CACNA2D3: variants seen among roughly 807,000 people sequenced by gnomAD.
CACNA2D3 encodes the protein voltage-dependent calcium channel subunit alpha-2/delta-3.
In CACNA2D3, 60 loss-of-function variants were observed where a neutral mutation model predicts 160.6. The ratio of observed to expected loss-of-function variants is 0.37; its 90% CI spans 0.30 to 0.46. The LOEUF is 0.46. CACNA2D3 is among the 20% of genes least tolerant of loss of function. The pLI is 1.00. For missense variants in CACNA2D3, 1,205 were observed against 1,365.0 expected (o/e 0.88, Z 1.85); for synonymous variants, 558 against 492.9 (o/e 1.13, Z -1.75).
chr3:54,666,166 T>A (rs1200149872), intron 11 of CACNA2D3, among the ~76,000 whole-genome samples: 54 of 152,180 alleles, frequency 3.5e-4, no homozygotes, highest in Admixed American at 3.5e-3. Context: ...TAATTCCTTA[T>A]TTATAAAAGG....
chr3:54,829,623 G>A lies in CACNA2D3; in HGVS notation c.1399-7536G>A, dbSNP rs180898979. Among the ~76,000 whole-genome samples the A allele has an allele frequency of 1.4e-4, 21 of 152,224 alleles. No individual in the cohort carries two copies. The East Asian group carries it at 3.5e-3, about 25-fold the overall frequency. ...TGTCTTCCTCTCTCCTTGCCATGGAGTGTGCAAACTGCAGGACATGGGTGA... is the reference window on the plus strand; with the variant it reads ...TGTCTTCCTCTCTCCTTGCCATGGAATGTGCAAACTGCAGGACATGGGTGA... On this transcript the variant is annotated intron_variant, in intron 14 of 37. Transcript: ENST00000474759.
chr3:54,850,407 G>A (rs749490409), intron 17 of CACNA2D3, among the ~76,000 whole-genome samples: 2 of 152,206 alleles, frequency 1.3e-5, no homozygotes, highest in Non-Finnish European at 2.9e-5. Context: ...ATGTTTGTTT[G>A]TTTGATCGTT....
chr3:54,600,057 G>C (rs1219398188), intron 9 of CACNA2D3, among the ~76,000 whole-genome samples: 1 of 152,228 alleles, frequency 6.6e-6, no homozygotes, highest in East Asian at 1.9e-4. Context: ...TTTCGGACTG[G>C]AGGTTGGAGC....
rs746820364 is a variant in CACNA2D3, at chr3:55,073,728, C to CAGAGT, written c.3101-45_3101-41dup. 4.0e-6 allele frequency: 6 copies of CAGAGT among 1,495,328 alleles called. No individual in the cohort carries two copies. The East Asian group carries it at 1.4e-4, about 34-fold the overall frequency. The allele number at this position is 1,495,328 out of a possible 1,614,324, so 92.6% of individuals were successfully genotyped here. Reference sequence around the variant, plus strand: ...TTGCCAAATTTTGACCTCTGAAATGCAGAGTAGAAAAAAGCAATCCTTGGA... The same window carrying CAGAGT: ...TTGCCAAATTTTGACCTCTGAAATGCAGAGTAGAGTAGAAAAAAGCAATCCTTGGA... On this transcript the variant is annotated intron_variant, in intron 36 of 37. Coordinates refer to ENST00000474759, the MANE Select transcript of CACNA2D3 (RefSeq NM_018398.3).
intron 2 of CACNA2D3, among the ~76,000 whole-genome samples, chr3:54,157,538 C>T (rs540364992): frequency 2.2e-4 from 34 of 152,242 alleles, no homozygotes; most frequent in Middle Eastern, 6.8e-3. Flanking sequence ...CGCCTGTAAT[C>T]GCAGCACTTT....
chr3:54,858,028 T>C (rs1416509751), intron 17 of CACNA2D3, among the ~76,000 whole-genome samples: 1 of 151,790 alleles, frequency 6.6e-6, no homozygotes, highest in East Asian at 1.9e-4. Flanking sequence ...AGGAAAAGGC[T>C]TTTCTTTTCA....
At chr3:54,162,105 G>C (rs930444063) in intron 2 of CACNA2D3, among the ~76,000 whole-genome samples, 1 of 152,206 alleles carries the variant, frequency 6.6e-6, no homozygotes, top group Non-Finnish European at 1.5e-5. Context: ...GCCAGAGGCT[G>C]TCTTTCACTC....
chr3:54,669,499 G>A (rs567160125), intron 11 of CACNA2D3, among the ~76,000 whole-genome samples: 57 of 152,310 alleles, frequency 3.7e-4, no homozygotes, highest in African/African-American at 1.4e-3. Flanking sequence ...GAATTAAAGA[G>A]ACTTGTGTAT....
In CACNA2D3 at chr3:55,007,716, T is replaced by G. The variant is rs78359221; in HGVS notation, c.2767-74T>G. 510 of 888,456 alleles carry G rather than the reference T, an allele frequency of 5.7e-4. 2 individuals carry two copies. In the African/African-American group the frequency reaches 7.5e-3, roughly 13 times the overall value. The allele number at this position is 888,456 out of a possible 1,614,324, so 55.0% of individuals were successfully genotyped here. A position where few individuals can be genotyped will look rare whatever the true frequency, so the allele number is the denominator to read the frequency against. ...CTCTAGAAGAATAACATTGTCCTTA[T>G]GTAAAGCCCTAAATTAAGCTACAAA... On this transcript the variant is annotated intron_variant, in intron 32 of 37. Coordinates refer to ENST00000474759, the MANE Select transcript of CACNA2D3 (RefSeq NM_018398.3).
intron 31 of CACNA2D3, among the ~76,000 whole-genome samples, chr3:54,996,443 A>G (rs1702861196): frequency 2.0e-5 from 3 of 152,356 alleles, no homozygotes; most frequent in Middle Eastern, 6.8e-3. Flanking sequence ...CTGGGCACCC[A>G]TGAATTTGAT....
chr3:54,868,125 T>C (rs1699444141), intron 17 of CACNA2D3, among the ~76,000 whole-genome samples: 1 of 152,238 alleles, frequency 6.6e-6, no homozygotes, highest in African/African-American at 2.4e-5. Flanking sequence ...TTAGGCTTAG[T>C]ACATTAGAGT....
intron 31 of CACNA2D3, among the ~76,000 whole-genome samples, chr3:54,989,679 CAT>C (rs1488262072): frequency 1.3e-5 from 2 of 152,190 alleles, no homozygotes; most frequent in African/African-American, 4.8e-5. Context: ...CTAGTGAGAT[CAT>C]AGTAAGCATA....
intron 9 of CACNA2D3, among the ~76,000 whole-genome samples, chr3:54,591,539 A>T (rs1000610670): frequency 6.7e-6 from 1 of 148,880 alleles, no homozygotes; most frequent in Non-Finnish European, 1.5e-5. Flanking sequence ...TAGATAAGCC[A>T]CCTGGGAGAG....
rs181774807 is a variant in CACNA2D3 at position 54,401,194 on chromosome 3, C to T, written c.381+14420C>T. 1.5e-4 allele frequency among the ~76,000 whole-genome samples: 22 copies of T among 151,168 alleles called. No individual in the cohort carries two copies. In the East Asian group the frequency reaches 2.3e-3, roughly 16 times the overall value. On this transcript the variant is annotated intron_variant, in intron 4 of 37. Transcript: ENST00000474759. ...AGGTCTTTTGAAATTACCTAGTCAA[C>T]GGAAAAAAAAGAAAAATGAATGAAA...
intron 3 of CACNA2D3, among the ~76,000 whole-genome samples, chr3:54,380,639 G>A (rs1189454116): frequency 1.3e-5 from 2 of 152,274 alleles, no homozygotes; most frequent in South Asian, 2.1e-4. Flanking sequence ...TCGGGAGGCC[G>A]AGGCAGGAGA....
intron 4 of CACNA2D3, among the ~76,000 whole-genome samples, chr3:54,486,629 G>T (rs1017978311): frequency 1.3e-5 from 2 of 152,200 alleles, no homozygotes; most frequent in Non-Finnish European, 2.9e-5. Context: ...GTTCTCAGAA[G>T]AATGATCTCT....
At chr3:54,303,349 C>T (rs1334896541) in intron 2 of CACNA2D3, among the ~76,000 whole-genome samples, 1 of 152,058 alleles carries the variant, frequency 6.6e-6, no homozygotes, top group Non-Finnish European at 1.5e-5. Flanking sequence ...TTGTTGAAAG[C>T]GAAAATTTTC....
At chr3:54,832,011 T>TCAGACA (rs373556430) in intron 14 of CACNA2D3, among the ~76,000 whole-genome samples, 1 of 118,862 alleles carries the variant, frequency 8.4e-6, no homozygotes, top group Non-Finnish European at 1.7e-5. Context: ...CTCTTCTCTG[T>TCAGACA]CACACACACA....
At chr3:54,377,470 G>A (rs1365227599) in intron 3 of CACNA2D3, among the ~76,000 whole-genome samples, 3 of 152,170 alleles carry the variant, frequency 2.0e-5, no homozygotes, top group African/African-American at 2.4e-5. Flanking sequence ...TTTCAATCAA[G>A]CTGTTTTATG....
Sources: allele counts gnomAD v4.1 joint callset (sites outside exome capture counted in the v4.1 genomes callset), GRCh38; gene constraint gnomAD v4.1.1; transcripts MANE v1.5; gene names NCBI Gene and HGNC (gene_info 2026-07-23, HGNC 2026-07-21).